Variants in PRR32 observed in about 807,000 individuals in gnomAD.
PRR32 encodes proline rich 32.
In PRR32, 2 loss-of-function variants were observed where a neutral mutation model predicts 1.3. The observed-to-expected ratio is 1.49, with a 90% confidence interval of 0.61 to 4.68. The LOEUF is 4.68. Among genes scored for constraint, PRR32 ranks in the 30% most tolerant of loss-of-function variants. PRR32 has a pLI of 0.06. For synonymous variants in PRR32, 107 were observed against 88.7 expected, an observed-to-expected ratio of 1.21 and a Z score of -1.16; for missense variants, 241 against 232.5, an observed-to-expected ratio of 1.04 and a Z score of -0.24.
Position 126,820,661 on chromosome X carries a change from T to C in PRR32, c.23T>C (p.Leu8Pro). Residue 8 changes from leucine to proline, a missense_variant and splice_region_variant, in exon 2 of 2, where the codon CTT becomes CCT. Leu to Pro is a moderately conservative substitution (Grantham distance 98, BLOSUM62 -3). Transcript: ENST00000371125. Reference sequence around the variant, plus strand: ...TGTTTGATTTCTGTTTTTGCAAGCCTTGGAGGGCACGCCCCTTCACCCTTG... The same window carrying C: ...TGTTTGATTTCTGTTTTTGCAAGCCCTGGAGGGCACGCCCCTTCACCCTTG... The part of the protein sequence containing the change: MACIENV[L>P]GGHAPSPLVV... 3.4e-6 allele frequency: 4 copies of C among 1,164,915 alleles called. No homozygotes were observed. Among genetic ancestry groups the C allele is most frequent in the Non-Finnish European group, 4.6e-6 (4 of 871,526 alleles).
Position 126,821,587 on chromosome X carries a change from C to T in PRR32, c.*52C>T. 1 of 1,131,323 alleles carries T rather than the reference C, an allele frequency of 8.8e-7. No homozygotes were observed. The highest frequency in any genetic ancestry group is 1.2e-6 in the Non-Finnish European group (1 of 856,992). The allele number at this position is 1,131,323 out of a possible 1,213,427, so 93.2% of individuals were successfully genotyped here. On this transcript the variant is annotated 3_prime_UTR_variant, in exon 2 of 2. Transcript: ENST00000371125. ...GTTGTGGAAAGAGGTGAAAGTTATT[C>T]ATTTATGCTTTTATATTTGAAACCT... is the stretch of plus-strand genomic sequence containing the variant.
Position 126,820,748 on chromosome X carries a change from T to C in PRR32, c.110T>C (p.Leu37Pro), listed in dbSNP as rs1003733665. The change falls in exon 2 of 2, where the codon CTG becomes CCG. Residue 37 changes from leucine (L) to proline (P), a missense_variant. Physicochemically the swap from Leu to Pro is moderately conservative, Grantham distance 98. Transcript: ENST00000371125. ...CACCACGACATGCCCCTGCAATGTC[T>C]GAGTTCCAAGCCAGAGGATGACGCA... ...ELHHDMPLQCLSSKPEDDAEP... is the reference protein window; with the variant it reads ...ELHHDMPLQCPSSKPEDDAEP... 13 of 1,166,403 alleles carry C rather than the reference T, an allele frequency of 1.1e-5. No individual in the cohort carries two copies. The highest frequency in any genetic ancestry group is 1.5e-5 in the Non-Finnish European group (13 of 872,803).
At position 126,821,116 on chromosome X, in the gene PRR32, T is replaced by C. The variant is rs78010088; in HGVS notation, c.478T>C (p.Leu160=). The change falls in exon 2 of 2, where the codon TTG becomes CTG. Residue 160 remains leucine, a synonymous_variant. Transcript: ENST00000371125. ...GTERGSNNAR[L]HVALPQGKGF... ...TGAGAGAGGCAGTAATAACGCAAGG[T>C]TGCATGTAGCTTTGCCACAAGGTAA... 8.6e-7 allele frequency: 1 copy of C among 1,167,540 alleles called. No individual in the cohort carries two copies. The highest frequency in any genetic ancestry group is 1.1e-6 in the Non-Finnish European group (1 of 872,915).
Position 126,821,085 on chromosome X carries a change from G to T in PRR32, c.447G>T (p.Gly149=). 1 of 1,167,619 alleles carries T rather than the reference G, an allele frequency of 8.6e-7. No homozygotes were observed. The highest frequency in any genetic ancestry group is 1.1e-6 in the Non-Finnish European group (1 of 872,940). Residue 149 remains glycine (G), a synonymous_variant, in exon 2 of 2, where the codon GGG becomes GGT. Coordinates refer to ENST00000371125, the MANE Select transcript of PRR32 (RefSeq NM_001122716.2). ...TAGGGGGCACAAAGGTCAACAATGGGGGCACTGAGAGAGGCAGTAATAACG... is the reference window on the plus strand; with the variant it reads ...TAGGGGGCACAAAGGTCAACAATGGTGGCACTGAGAGAGGCAGTAATAACG... The part of the protein sequence containing the change: ...LIVGGTKVNN[G]GTERGSNNAR...
rs765275959 is a variant in PRR32 at position 126,820,853 on chromosome X, G to A, written c.215G>A (p.Trp72Ter). 2.5e-5 allele frequency: 29 copies of A among 1,165,727 alleles called. No homozygotes were observed. The highest frequency in any genetic ancestry group is 3.1e-5 in the Non-Finnish European group (27 of 872,618). Residue 72 changes from tryptophan to a stop codon, truncating the protein, a stop_gained, in exon 2 of 2, where the codon TGG becomes TAG. Transcript: ENST00000371125. LOFTEE classifies it low-confidence loss of function (END_TRUNC). Reference sequence around the variant, plus strand: ...GATCTGGATAGCAAGCAACTGGAGTGGCCCTCTGAAAGAACAGGATCCTGC... The same window carrying A: ...GATCTGGATAGCAAGCAACTGGAGTAGCCCTCTGAAAGAACAGGATCCTGC... ...LTDLDSKQLE[W>*]PSERTGSCIP...
At position 126,820,690 on chromosome X, in the gene PRR32, G is replaced by A. The variant is rs930254836; in HGVS notation, c.52G>A (p.Val18Ile). 5 of 1,167,956 alleles carry A rather than the reference G, an allele frequency of 4.3e-6. No homozygotes were observed. Among genetic ancestry groups the A allele is most frequent in the Non-Finnish European group, 5.7e-6 (5 of 872,976 alleles). ...AGGGCACGCCCCTTCACCCTTGGTA[G>A]TATCTGTGGACAAAAATGGGAACCA... ...LGGHAPSPLV[V>I]SVDKNGNQEL... The change falls in exon 2 of 2, where the codon GTA (valine) becomes ATA (isoleucine). Residue 18 changes from valine (V) to isoleucine (I), a missense_variant. Physicochemically the swap from Val to Ile is conservative, Grantham distance 29. Transcript: ENST00000371125.
rs1044381694 is a variant in PRR32, at chrX:126,821,046, T to C, written c.408T>C (p.Pro136=). 2.0e-5 allele frequency: 23 copies of C among 1,164,478 alleles called. No individual in the cohort carries two copies. The highest frequency in any genetic ancestry group is 2.5e-5 in the Non-Finnish European group (22 of 872,093). ...INVSWEVSGG[P]PALIVGGTKV... ...TGTCCTGGGAAGTCTCTGGCGGCCC[T>C]CCTGCACTGATAGTAGGGGGCACAA... Residue 136 remains proline (P), a synonymous_variant, in exon 2 of 2, where the codon CCT becomes CCC. Coordinates refer to ENST00000371125, the MANE Select transcript of PRR32 (RefSeq NM_001122716.2).
At position 126,821,098 on chromosome X, in the gene PRR32, G is replaced by A. The variant is rs1252246350; in HGVS notation, c.460G>A (p.Gly154Ser). 8.6e-7 allele frequency: 1 copy of A among 1,167,889 alleles called. No homozygotes were observed. Among genetic ancestry groups the A allele is most frequent in the Non-Finnish European group, 1.1e-6 (1 of 873,006 alleles). Residue 154 changes from glycine (G) to serine (S), a missense_variant, in exon 2 of 2, where the codon GGC (glycine) becomes AGC (serine). Physicochemically the swap from Gly to Ser is moderately conservative, Grantham distance 56 (BLOSUM62 0). Coordinates refer to ENST00000371125, the MANE Select transcript of PRR32 (RefSeq NM_001122716.2). Reference sequence around the variant, plus strand: ...GGTCAACAATGGGGGCACTGAGAGAGGCAGTAATAACGCAAGGTTGCATGT... The same window carrying A: ...GGTCAACAATGGGGGCACTGAGAGAAGCAGTAATAACGCAAGGTTGCATGT... ...TKVNNGGTER[G>S]SNNARLHVAL...
Position 126,821,766 on chromosome X carries a change from TAA to T in PRR32, c.*233_*234del. 2 of 375,388 alleles carry T rather than the reference TAA, an allele frequency of 5.3e-6. No individual in the cohort carries two copies. The highest frequency in any genetic ancestry group is 9.0e-6 in the Non-Finnish European group (2 of 222,513). The allele number at this position is 375,388 out of a possible 1,213,427, so 30.9% of individuals were successfully genotyped here. A position where few individuals can be genotyped will look rare whatever the true frequency, so the allele number is the denominator to read the frequency against. On this transcript the variant is annotated 3_prime_UTR_variant, in exon 2 of 2. Transcript: ENST00000371125. ...TGTGCCCTACATACTGGAGATTAAATAAAGATTGTGAAGTCTGAAATGCTGTA... is the reference window on the plus strand; with the variant it reads ...TGTGCCCTACATACTGGAGATTAAATAGATTGTGAAGTCTGAAATGCTGTA...
At chrX:126,819,909 C>T in intron 1 of PRR32, 46 bp downstream of exon 1, 1 of 1,123,708 alleles carries the variant, frequency 8.9e-7, no homozygotes, top group African/African-American at 1.8e-5. Flanking sequence ...AAGGCAAAGT[C>T]AGTTTGAATT....
Position 126,820,761 on chromosome X carries a change from A to G in PRR32, c.123A>G (p.Pro41=). The change falls in exon 2 of 2, where the codon CCA becomes CCG. Residue 41 remains proline, a synonymous_variant. Transcript: ENST00000371125. ...CCCTGCAATGTCTGAGTTCCAAGCCAGAGGATGACGCAGAGCCCTGGGGTC... is the reference window on the plus strand; with the variant it reads ...CCCTGCAATGTCTGAGTTCCAAGCCGGAGGATGACGCAGAGCCCTGGGGTC... ...DMPLQCLSSK[P]EDDAEPWGQP... 8.6e-7 allele frequency: 1 copy of G among 1,168,069 alleles called. No individual in the cohort carries two copies. The highest frequency in any genetic ancestry group is 1.1e-6 in the Non-Finnish European group (1 of 873,059).
In PRR32 at chrX:126,821,561, G is replaced by A; in HGVS notation, c.*26G>A. The A allele has an allele frequency of 8.7e-7, 1 of 1,154,256 alleles. No homozygotes were observed. The highest frequency in any genetic ancestry group is 1.2e-6 in the Non-Finnish European group (1 of 869,194). On this transcript the variant is annotated 3_prime_UTR_variant, in exon 2 of 2. Transcript: ENST00000371125. ...TGGCAAAAAGGAAGGATGAAAAAAG[G>A]GTTGTGGAAAGAGGTGAAAGTTATT...
At position 126,820,833 on chromosome X, in the gene PRR32, G is replaced by A. The variant is rs1295629994; in HGVS notation, c.195G>A (p.Leu65=). 2 of 1,165,683 alleles carry A rather than the reference G, an allele frequency of 1.7e-6. No homozygotes were observed. The highest frequency in any genetic ancestry group is 3.6e-5 in the African/African-American group (2 of 55,578). The part of the protein sequence containing the change: ...LRPSVNVLTD[L]DSKQLEWPSE... ...CTTCCGTCAATGTGCTGACTGATCT[G>A]GATAGCAAGCAACTGGAGTGGCCCT... The change falls in exon 2 of 2, where the codon CTG becomes CTA. Residue 65 remains leucine, a synonymous_variant. Transcript: ENST00000371125.
Position 126,820,691 on chromosome X carries a change from T to C in PRR32, c.53T>C (p.Val18Ala), listed in dbSNP as rs1479287524. ...LGGHAPSPLV[V>A]SVDKNGNQEL... ...GGGCACGCCCCTTCACCCTTGGTAG[T>C]ATCTGTGGACAAAAATGGGAACCAG... Residue 18 changes from valine (V) to alanine (A), a missense_variant, in exon 2 of 2, where the codon GTA becomes GCA. By Grantham distance (64) the Val-to-Ala change is moderately conservative. Coordinates refer to ENST00000371125, the MANE Select transcript of PRR32 (RefSeq NM_001122716.2). 1 of 1,168,188 alleles carries C rather than the reference T, an allele frequency of 8.6e-7. No homozygotes were observed. Among genetic ancestry groups the C allele is most frequent in the Non-Finnish European group, 1.1e-6 (1 of 873,044 alleles).
Position 126,820,952 on chromosome X carries a change from C to A in PRR32, c.314C>A (p.Ala105Glu). 8.6e-7 allele frequency: 1 copy of A among 1,167,098 alleles called. No homozygotes were observed. The change falls in exon 2 of 2, where the codon GCA (alanine) becomes GAA (glutamate). Residue 105 changes from alanine to glutamate, a missense_variant. Physicochemically the swap from Ala to Glu is moderately radical, Grantham distance 107. Transcript: ENST00000371125. ...PPPAVAEESLATAEVNSSDAL... is the reference protein window; with the variant it reads ...PPPAVAEESLETAEVNSSDAL... Reference sequence around the variant, plus strand: ...CCTGCTGTTGCAGAAGAGTCCCTAGCAACAGCAGAAGTAAACAGCTCTGAT... The same window carrying A: ...CCTGCTGTTGCAGAAGAGTCCCTAGAAACAGCAGAAGTAAACAGCTCTGAT...
Position 126,819,836 on chromosome X carries a change from A to G in PRR32, c.-8A>G. ...ACCTCAGGAAAGCTATTCTGATCAA[A>G]TTTCTTCATGGCTTGTATTGAAAAC... On this transcript the variant is annotated 5_prime_UTR_variant, in exon 1 of 2. Coordinates refer to ENST00000371125, the MANE Select transcript of PRR32 (RefSeq NM_001122716.2). 1 of 1,164,577 alleles carries G rather than the reference A, an allele frequency of 8.6e-7. No homozygotes were observed.
At position 126,820,683 on chromosome X, in the gene PRR32, C is replaced by T. The variant is rs1362935977; in HGVS notation, c.45C>T (p.Pro15=). Residue 15 remains proline (P), a synonymous_variant, in exon 2 of 2, where the codon CCC becomes CCT. Coordinates refer to ENST00000371125, the MANE Select transcript of PRR32 (RefSeq NM_001122716.2). ...GCCTTGGAGGGCACGCCCCTTCACC[C>T]TTGGTAGTATCTGTGGACAAAAATG... The part of the protein sequence containing the change: ...ENVLGGHAPS[P]LVVSVDKNGN... 2.6e-6 allele frequency: 3 copies of T among 1,166,136 alleles called. No homozygotes were observed. The highest frequency in any genetic ancestry group is 2.3e-6 in the Non-Finnish European group (2 of 872,659).
Position 126,821,723 on chromosome X carries a change from C to A in PRR32, c.*188C>A. 2.0e-6 allele frequency: 1 copy of A among 505,584 alleles called. No homozygotes were observed. Among genetic ancestry groups the A allele is most frequent in the Non-Finnish European group, 3.2e-6 (1 of 316,475 alleles). The allele number at this position is 505,584 out of a possible 1,213,427, so 41.7% of individuals were successfully genotyped here. A position where few individuals can be genotyped will look rare whatever the true frequency, so the allele number is the denominator to read the frequency against. On this transcript the variant is annotated 3_prime_UTR_variant, in exon 2 of 2. Transcript: ENST00000371125. ...CTATTTGAAACCTTGTACCCTACCA[C>A]ACTCTGTTTAGCACAAATGTGCCCT...
chrX:126,820,050 T>C lies in PRR32; in HGVS notation c.20+187T>C, dbSNP rs781578628. Among the ~76,000 whole-genome samples, 6 of 109,294 alleles carry C rather than the reference T, an allele frequency of 5.5e-5. No individual in the cohort carries two copies. In the East Asian group the frequency reaches 2.1e-3, roughly 39 times the overall value. The allele number at this position is 109,294 out of a possible 115,157, so 94.9% of individuals were successfully genotyped here. A position where few individuals can be genotyped will look rare whatever the true frequency, so the allele number is the denominator to read the frequency against. On this transcript the variant is annotated intron_variant, in intron 1 of 1. Coordinates refer to ENST00000371125, the MANE Select transcript of PRR32 (RefSeq NM_001122716.2). ...ATTTAAGAGTGGCAACTTTGAAGTG[T>C]AATTTTGAAAGAAAATTTACAAATC...
Sources: allele counts gnomAD v4.1 joint callset (sites outside exome capture counted in the v4.1 genomes callset), GRCh38; gene constraint gnomAD v4.1.1; transcripts MANE v1.5; gene names NCBI Gene and HGNC (gene_info 2026-07-23, HGNC 2026-07-21).